Variants in CDK6 observed in about 807,000 individuals in gnomAD.
The protein encoded by CDK6 is cyclin-dependent kinase 6.
Under a neutral mutation model 37.1 loss-of-function variants are expected in CDK6, and 6 were observed. The ratio of observed to expected loss-of-function variants is 0.16; its 90% CI spans 0.09 to 0.32. The LOEUF is 0.32. CDK6 is among the 10% of genes least tolerant of loss of function. The pLI is 1.00. For missense variants in CDK6, 224 were observed against 418.9 expected (o/e 0.53, Z 4.06); for synonymous variants, 160 against 161.3 (o/e 0.99, Z 0.06).
intron 5 of CDK6, among the ~76,000 whole-genome samples, chr7:92,639,649 A>C (rs548680874): frequency 2.4e-4 from 36 of 152,134 alleles, no homozygotes; most frequent in African/African-American, 8.4e-4. Context: ...CTTTTCTGTA[A>C]ATTTTTTTGT....
At position 92,607,163 on chromosome 7, in the gene CDK6, C is replaced by T; in HGVS notation, c.*7977G>A. 1 of 233,616 alleles carries T rather than the reference C, an allele frequency of 4.3e-6. No individual in the cohort carries two copies. The highest frequency in any genetic ancestry group is 8.5e-6 in the Non-Finnish European group (1 of 117,996). 14.5% of individuals were successfully genotyped at this position (233,616 alleles called of 1,614,324 possible). On this transcript the variant is annotated 3_prime_UTR_variant, in exon 8 of 8. Coordinates refer to ENST00000424848, the MANE Select transcript of CDK6 (RefSeq NM_001145306.2). Reference sequence around the variant, plus strand: ...TTCTGCTTCTACAGAAAAACTCTCACACTGCTCTCCTCTCAACAGTACTGC... The same window carrying T: ...TTCTGCTTCTACAGAAAAACTCTCATACTGCTCTCCTCTCAACAGTACTGC...
intron 5 of CDK6, among the ~76,000 whole-genome samples, chr7:92,644,255 C>T (rs907058084): frequency 3.9e-5 from 6 of 152,132 alleles, no homozygotes; most frequent in Non-Finnish European, 7.3e-5. Flanking sequence ...CCTAGGGTCC[C>T]TTTCTTTGCT....
intron 2 of CDK6, among the ~76,000 whole-genome samples, chr7:92,827,134 A>AT (rs1345290984): frequency 3.3e-5 from 5 of 152,162 alleles, no homozygotes; most frequent in Non-Finnish European, 1.5e-5. Flanking sequence ...CAGTGAGATA[A>AT]TTTTTTGCAT....
chr7:92,815,270 T>A (rs1387366634), intron 2 of CDK6, among the ~76,000 whole-genome samples: 1 of 152,126 alleles, frequency 6.6e-6, no homozygotes, highest in Non-Finnish European at 1.5e-5. Flanking sequence ...CACCCAAAAG[T>A]AAAGCCTGTG....
chr7:92,782,100 T>C (rs941954058), intron 2 of CDK6, among the ~76,000 whole-genome samples: 1 of 152,188 alleles, frequency 6.6e-6, no homozygotes, highest in African/African-American at 2.4e-5. Flanking sequence ...GCACCTACCA[T>C]GTGCAGGCAC....
chr7:92,694,771 A>G (rs1200353767), intron 4 of CDK6, among the ~76,000 whole-genome samples: 8 of 152,192 alleles, frequency 5.3e-5, no homozygotes, highest in African/African-American at 1.9e-4. Flanking sequence ...TTATTACAAA[A>G]TATGCTCAGA....
At chr7:92,638,929 T>C (rs1371072028) in intron 5 of CDK6, among the ~76,000 whole-genome samples, 2 of 152,194 alleles carry the variant, frequency 1.3e-5, no homozygotes, top group East Asian at 3.8e-4. Flanking sequence ...GAAAAAAATG[T>C]AGATCTTAGA....
intron 2 of CDK6, among the ~76,000 whole-genome samples, chr7:92,776,243 C>T (rs765307682): frequency 5.9e-5 from 9 of 152,168 alleles, no homozygotes; most frequent in Non-Finnish European, 1.2e-4. Context: ...ATGAACTCAT[C>T]ATTTTTTATG....
chr7:92,833,599 TCCCTCC>T lies in CDK6; in HGVS notation c.-282_-277del. ...CGCCGCCGCCGGAGGAGCGAGCCGA[TCCCTCC>T]TCTTCCCTCCTCGAAGCGAAGTCCT... is the stretch of plus-strand genomic sequence containing the variant. On this transcript the variant is annotated 5_prime_UTR_variant, in exon 2 of 8. Coordinates refer to ENST00000424848, the MANE Select transcript of CDK6 (RefSeq NM_001145306.2). The surrounding 1 kb of genome is among the most constrained non-coding windows in gnomAD (Gnocchi z 6.1). 1.9e-6 allele frequency: 1 copy of T among 536,008 alleles called. No individual in the cohort carries two copies. The highest frequency in any genetic ancestry group is 2.7e-5 in the South Asian group (1 of 37,528). The allele number at this position is 536,008 out of a possible 1,614,324, so 33.2% of individuals were successfully genotyped here.
chr7:92,792,492 C>A (rs1048308773), intron 2 of CDK6, among the ~76,000 whole-genome samples: 1 of 151,982 alleles, frequency 6.6e-6, no homozygotes, highest in African/African-American at 2.4e-5. Context: ...TACACTTTTT[C>A]TGAATCAAAA....
At chr7:92,625,192 A>G (rs1000923254) in intron 5 of CDK6, among the ~76,000 whole-genome samples, 16 of 151,302 alleles carry the variant, frequency 1.1e-4, no homozygotes, top group African/African-American at 3.9e-4. Context: ...CCCAGCTTAT[A>G]GCAGAGTTAC....
Position 92,607,337 on chromosome 7 carries a change from T to G in CDK6, c.*7803A>C, listed in dbSNP as rs1795451501. On this transcript the variant is annotated 3_prime_UTR_variant, in exon 8 of 8. Transcript: ENST00000424848. ...GGGCCACCTGGCACAGTTTCTAAAT[T>G]AAGGCATATCTAAAATGCTTTTCTA... The G allele has an allele frequency of 4.3e-6, 1 of 233,384 alleles. No individual in the cohort carries two copies. Among genetic ancestry groups the G allele is most frequent in the Non-Finnish European group, 8.5e-6 (1 of 118,032 alleles). 14.5% of individuals were successfully genotyped at this position (233,384 alleles called of 1,614,324 possible).
chr7:92,685,530 G>T (rs890239650), intron 4 of CDK6, among the ~76,000 whole-genome samples: 3 of 152,214 alleles, frequency 2.0e-5, no homozygotes, highest in Non-Finnish European at 4.4e-5. Flanking sequence ...CCTGTGGCAG[G>T]TAGCTTCTTT....
At chr7:92,725,562 G>A (rs2116708828) in intron 4 of CDK6, 64 bp downstream of exon 4, 3 of 1,495,034 alleles carry the variant, frequency 2.0e-6, no homozygotes, top group Non-Finnish European at 1.8e-6. Flanking sequence ...CATGGAAGAG[G>A]GACAGACTGT....
At chr7:92,654,519 A>C (rs1796646178) in intron 5 of CDK6, among the ~76,000 whole-genome samples, 1 of 152,084 alleles carries the variant, frequency 6.6e-6, no homozygotes, top group Non-Finnish European at 1.5e-5. Flanking sequence ...TATATCTACC[A>C]TGTTTCTTCT....
At chr7:92,687,311 A>G (rs1170765608) in intron 4 of CDK6, among the ~76,000 whole-genome samples, 13 of 152,196 alleles carry the variant, frequency 8.5e-5, no homozygotes, top group Admixed American at 8.5e-4. Flanking sequence ...ACTGGGGTTT[A>G]CTAGCTAATC....
chr7:92,644,312 A>ATATG (rs1315076996), intron 5 of CDK6, among the ~76,000 whole-genome samples: 4 of 152,348 alleles, frequency 2.6e-5, no homozygotes, highest in Non-Finnish European at 4.4e-5. Context: ...CCCCATGGAT[A>ATATG]TATGGGGTTG....
intron 5 of CDK6, among the ~76,000 whole-genome samples, chr7:92,651,175 C>T (rs1461494389): frequency 6.6e-6 from 1 of 152,188 alleles, no homozygotes; most frequent in Admixed American, 6.5e-5. Context: ...CAGGCGTAAG[C>T]CACGGTGCGA....
At chr7:92,715,792 C>G (rs1388232481) in intron 4 of CDK6, among the ~76,000 whole-genome samples, 1 of 152,086 alleles carries the variant, frequency 6.6e-6, no homozygotes, top group African/African-American at 2.4e-5. Flanking sequence ...TCTCAAGGAC[C>G]CAAATGGACT....
Sources: gnomAD v4.1 joint callset for allele counts (sites outside exome capture counted in the v4.1 genomes callset) on GRCh38, gnomAD v4.1.1 for gene constraint, Gnocchi (gnomAD v3.1) non-coding constraint, MANE v1.5 for transcripts, NCBI Gene and HGNC (gene_info 2026-07-23, HGNC 2026-07-21) for gene names.